Variants in SRPK2 observed in about 807,000 individuals in gnomAD.
SRPK2 encodes SFRS protein kinase 2.
Under a neutral mutation model 90.8 loss-of-function variants are expected in SRPK2, and 21 were observed. The observed-to-expected ratio is 0.23, with a 90% CI of 0.16 to 0.33. SRPK2 has a LOEUF of 0.33. Ranked by LOEUF, SRPK2 falls within the 10% of genes least tolerant of loss-of-function variation. SRPK2 has a pLI of 1.00. For missense variants in SRPK2, 620 were observed against 869.0 expected (o/e 0.71, Z 3.60); for synonymous variants, 288 against 311.1 (o/e 0.93, Z 0.78).
chr7:105,393,459 CTTTTTTTTTTTTT>C (rs58162170), upstream of SRPK2, among the ~76,000 whole-genome samples: 181 of 81,228 alleles, frequency 2.2e-3, 4 homozygotes, highest in African/African-American at 7.6e-3. Context: ...TCTGGTTTTT[CTTTTTTTTTTTTT>C]TTTTTTTTTT....
At chr7:105,287,807 C>T (rs1808368987) in intron 2 of SRPK2, among the ~76,000 whole-genome samples, 2 of 152,050 alleles carry the variant, frequency 1.3e-5, no homozygotes, top group African/African-American at 4.8e-5. Flanking sequence ...AAAGAGGAAA[C>T]ATAGGCAGGA....
intron 2 of SRPK2, among the ~76,000 whole-genome samples, chr7:105,367,374 C>T (rs188798314): frequency 3.3e-5 from 5 of 152,054 alleles, no homozygotes; most frequent in African/African-American, 9.7e-5. Flanking sequence ...GCAATCCTCC[C>T]GCCTCAGCCT....
intron 2 of SRPK2, among the ~76,000 whole-genome samples, chr7:105,226,293 T>G (rs1022038745): frequency 5.9e-5 from 9 of 151,776 alleles, no homozygotes; most frequent in Non-Finnish European, 1.0e-4. Flanking sequence ...AAGAAAGAAA[T>G]AATTTTTTTT....
intron 2 of SRPK2, among the ~76,000 whole-genome samples, chr7:105,254,864 A>AT (rs199968078): frequency 0.41 from 61,948 of 150,954 alleles, 14,645 homozygotes; most frequent in Non-Finnish European, 0.53. Context: ...TAATTTTTGT[A>AT]TTTTTAGTAG....
intron 15 of SRPK2, among the ~76,000 whole-genome samples, chr7:105,121,393 G>T (rs913411592): frequency 6.6e-6 from 1 of 150,628 alleles, no homozygotes; most frequent in African/African-American, 2.4e-5. Context: ...AAAAAAGAGA[G>T]AAAAGAAAAT....
At chr7:105,303,981 C>T (rs1039682132) in intron 2 of SRPK2, among the ~76,000 whole-genome samples, 2 of 152,188 alleles carry the variant, frequency 1.3e-5, no homozygotes, top group African/African-American at 4.8e-5. Flanking sequence ...GTAGAGTTGA[C>T]TTCAAAAGTT....
rs1791023461 is a variant in SRPK2, at chr7:105,170,981, A to AAGAAAGAAAGAAAGAAAG, written c.230-1717_230-1716insCTTTCTTTCTTTCTTTCT. Among the ~76,000 whole-genome samples, 8 of 137,622 alleles carry AAGAAAGAAAGAAAGAAAG rather than the reference A, an allele frequency of 5.8e-5. 1 individual carries two copies. Among genetic ancestry groups the AAGAAAGAAAGAAAGAAAG allele is most frequent in the Non-Finnish European group, 1.1e-4 (7 of 63,232 alleles). The allele number at this position is 137,622 out of a possible 152,430, so 90.3% of individuals were successfully genotyped here. On this transcript the variant is annotated intron_variant, in intron 3 of 15. Coordinates refer to ENST00000393651, the MANE Select transcript of SRPK2 (RefSeq NM_182692.3). ...AAAGAAAGAAAGAGAAAGAAAGAGA[A>AAGAAAGAAAGAAAGAAAG]AGAAAGAAAGAAAGAGAAAGAAAGA... is the stretch of plus-strand genomic sequence containing the variant.
intron 2 of SRPK2, among the ~76,000 whole-genome samples, chr7:105,234,703 T>G (rs1799915768): frequency 6.6e-6 from 1 of 151,888 alleles, no homozygotes; most frequent in Non-Finnish European, 1.5e-5. Flanking sequence ...TTAAAATAAC[T>G]TACACATTAG....
intron 2 of SRPK2, among the ~76,000 whole-genome samples, chr7:105,358,966 G>C (rs1818114106): frequency 1.3e-5 from 2 of 151,744 alleles, no homozygotes; most frequent in Admixed American, 1.3e-4. Flanking sequence ...AGTGGAGGTG[G>C]AGGTGCCTCT....
At chr7:105,212,855 T>C (rs1797026059) in intron 2 of SRPK2, among the ~76,000 whole-genome samples, 1 of 152,206 alleles carries the variant, frequency 6.6e-6, no homozygotes, top group Non-Finnish European at 1.5e-5. Context: ...CTATGGATCC[T>C]AAACATGGGG....
intron 2 of SRPK2, among the ~76,000 whole-genome samples, chr7:105,216,526 C>T (rs1380484502): frequency 6.6e-6 from 1 of 151,972 alleles, no homozygotes; most frequent in Non-Finnish European, 1.5e-5. Flanking sequence ...TGGTGGCACG[C>T]GCCTGTGGTC....
chr7:105,385,161 C>A (rs1821396248), intron 2 of SRPK2, among the ~76,000 whole-genome samples: 1 of 135,058 alleles, frequency 7.4e-6, no homozygotes, highest in Non-Finnish European at 1.6e-5. Flanking sequence ...CGTGAGCCAC[C>A]GCGCCCGGCA....
At chr7:105,233,619 C>A (rs528634014) in intron 2 of SRPK2, among the ~76,000 whole-genome samples, 2 of 152,270 alleles carry the variant, frequency 1.3e-5, no homozygotes, top group East Asian at 1.9e-4. Context: ...TTTGGTAGGC[C>A]AAAGCCGGTG....
intron 6 of SRPK2, among the ~76,000 whole-genome samples, chr7:105,165,562 C>T (rs910016454): frequency 3.3e-5 from 5 of 152,046 alleles, no homozygotes; most frequent in African/African-American, 7.2e-5. Flanking sequence ...TCTGTAAAAA[C>T]GCACTGACCA....
rs554312261 is a variant in SRPK2 at position 105,351,529 on chromosome 7, G to A, written c.71+37119C>T. 6.6e-5 allele frequency among the ~76,000 whole-genome samples: 10 copies of A among 151,726 alleles called. No individual in the cohort carries two copies. In the South Asian group the frequency reaches 1.5e-3, roughly 22 times the overall value. Reference sequence around the variant, plus strand: ...AATAATAATAAATCACCGGCCGGGCGCAGTAGCTCACACCTGTAATCCCAG... The same window carrying A: ...AATAATAATAAATCACCGGCCGGGCACAGTAGCTCACACCTGTAATCCCAG... On this transcript the variant is annotated intron_variant, in intron 2 of 15. Transcript: ENST00000393651.
chr7:105,208,457 G>A (rs1278403053), intron 2 of SRPK2, among the ~76,000 whole-genome samples: 1 of 152,160 alleles, frequency 6.6e-6, no homozygotes, highest in Admixed American at 6.5e-5. Context: ...CTAACAAAGA[G>A]AAATGAAGTA....
chr7:105,279,801 C>A (rs979564652), intron 2 of SRPK2, among the ~76,000 whole-genome samples: 1 of 152,186 alleles, frequency 6.6e-6, no homozygotes, highest in African/African-American at 2.4e-5. Flanking sequence ...CTCAACAGAA[C>A]AAAGCCTCTT....
At chr7:105,122,811 G>A (rs993718243) in intron 15 of SRPK2, among the ~76,000 whole-genome samples, 18 of 151,352 alleles carry the variant, frequency 1.2e-4, no homozygotes, top group Admixed American at 3.3e-4. Context: ...ATACACACAC[G>A]CGCGCGCACA....
At chr7:105,174,252 GA>G (rs1791545363) in intron 3 of SRPK2, among the ~76,000 whole-genome samples, 1 of 152,030 alleles carries the variant, frequency 6.6e-6, no homozygotes, top group Admixed American at 6.5e-5. Context: ...CTCCAAAGAA[GA>G]AAATTTTAAA....
Sources: allele counts gnomAD v4.1 joint callset (sites outside exome capture counted in the v4.1 genomes callset), GRCh38; gene constraint gnomAD v4.1.1; transcripts MANE v1.5; gene names NCBI Gene and HGNC (gene_info 2026-07-23, HGNC 2026-07-21).